The following CCR3 variants were observed in gnomAD, a reference collection of about 807,000 sequenced individuals.
The protein encoded by CCR3 is C-C chemokine receptor type 3.
For missense variants in CCR3, 419 were observed against 437.5 expected, an observed-to-expected ratio of 0.96 and a Z score of 0.38; for synonymous variants, 203 against 179.2, an observed-to-expected ratio of 1.13 and a Z score of -1.06.
At chr3:46,216,415 G>A (rs1008120879) in intron 2 of CCR3, among the ~76,000 whole-genome samples, 5 of 152,114 alleles carry the variant, frequency 3.3e-5, no homozygotes, top group Non-Finnish European at 2.9e-5. Flanking sequence ...ATCTGAAAAC[G>A]TATCTGAGGG....
At chr3:46,242,963 G>GTATA (rs71095086) in intron 1 of CCR3, among the ~76,000 whole-genome samples, 5,560 of 86,158 alleles carry the variant, frequency 0.065, 224 homozygotes, top group South Asian at 0.2. Flanking sequence ...ATATATATGT[G>GTATA]TATATATATA....
chr3:46,231,778 T>G (rs1032223466), intron 2 of CCR3, among the ~76,000 whole-genome samples: 2 of 152,202 alleles, frequency 1.3e-5, no homozygotes, highest in Admixed American at 6.5e-5. Flanking sequence ...TTTTGTATAT[T>G]ATACTTCAAT....
intron 2 of CCR3, among the ~76,000 whole-genome samples, chr3:46,234,795 C>A (rs1051563604): frequency 6.6e-6 from 1 of 152,202 alleles, no homozygotes; most frequent in Non-Finnish European, 1.5e-5. Context: ...GCTTTCCTTC[C>A]ACCACCATCA....
At chr3:46,227,636 C>T (rs906804070) in intron 2 of CCR3, among the ~76,000 whole-genome samples, 4 of 152,104 alleles carry the variant, frequency 2.6e-5, no homozygotes, top group Non-Finnish European at 5.9e-5. Flanking sequence ...CGAGACTGTT[C>T]TTTTCTAATG....
At chr3:46,246,892 G>A (rs947079727) in intron 1 of CCR3, among the ~76,000 whole-genome samples, 2 of 152,074 alleles carry the variant, frequency 1.3e-5, no homozygotes, top group Admixed American at 6.6e-5. Context: ...GAGAGATTAA[G>A]CTGAAGGGAG....
chr3:46,238,703 C>G (rs13084656), upstream of CCR3, among the ~76,000 whole-genome samples: 65,031 of 151,878 alleles, frequency 0.43, 14,007 homozygotes, highest in Middle Eastern at 0.45. Context: ...CAAGTCACAG[C>G]GTAGTCAAGG....
At chr3:46,251,022 G>T (rs942387783) in intron 1 of CCR3, among the ~76,000 whole-genome samples, 20 of 151,942 alleles carry the variant, frequency 1.3e-4, no homozygotes, top group Admixed American at 9.2e-4. Flanking sequence ...AGAAAAGTGG[G>T]ACTTGCCACT....
Position 46,265,567 on chromosome 3 carries a change from C to T in CCR3, c.409C>T (p.His137Tyr). The change falls in exon 2 of 2, where the codon CAT becomes TAT. Residue 137 changes from histidine to tyrosine, a missense_variant. Transcript: ENST00000395940. ...AATCGACAGGTACCTGGCCATTGTCCATGCTGTGTTTGCCCTTCGAGCCCG... is the reference window on the plus strand; with the variant it reads ...AATCGACAGGTACCTGGCCATTGTCTATGCTGTGTTTGCCCTTCGAGCCCG... Reference protein sequence around the residue: ...LTIDRYLAIVHAVFALRARTV... With the variant: ...LTIDRYLAIVYAVFALRARTV... 6.2e-7 allele frequency: 1 copy of T among 1,614,110 alleles called. No homozygotes were observed. The highest frequency in any genetic ancestry group is 8.5e-7 in the Non-Finnish European group (1 of 1,180,008).
chr3:46,219,500 A>G (rs1250349248), intron 2 of CCR3, among the ~76,000 whole-genome samples: 1 of 152,182 alleles, frequency 6.6e-6, no homozygotes, highest in Non-Finnish European at 1.5e-5. Flanking sequence ...ATTCATATGG[A>G]ACCAAAAAAG....
rs1700633683 is a variant in CCR3 at position 46,266,288 on chromosome 3, C to T, written c.*62C>T. ...AGGAGATGAAGCAAACACATTAAGC[C>T]TTCCACACTCACCTCTAAAACAGTC... On this transcript the variant is annotated 3_prime_UTR_variant, in exon 2 of 2. Coordinates refer to ENST00000395940, the MANE Select transcript of CCR3 (RefSeq NM_178329.3). 24 of 1,017,448 alleles carry T rather than the reference C, an allele frequency of 2.4e-5. No homozygotes were observed. The South Asian group carries it at 2.9e-4, about 12-fold the overall frequency. The allele number at this position is 1,017,448 out of a possible 1,614,324, so 63.0% of individuals were successfully genotyped here.
At chr3:46,221,050 C>G (rs1021350370) in intron 2 of CCR3, among the ~76,000 whole-genome samples, 4 of 152,170 alleles carry the variant, frequency 2.6e-5, no homozygotes, top group African/African-American at 7.2e-5. Context: ...ATAATGTAAA[C>G]TCAACAAACT....
At chr3:46,240,595 A>G (rs977961323), upstream of CCR3, among the ~76,000 whole-genome samples, 59 of 152,206 alleles carry the variant, frequency 3.9e-4, no homozygotes, top group African/African-American at 1.4e-3. Context: ...ATGCTGAATC[A>G]GAGCACAATA....
At chr3:46,232,607 G>A (rs1193287308) in intron 2 of CCR3, among the ~76,000 whole-genome samples, 4 of 152,182 alleles carry the variant, frequency 2.6e-5, no homozygotes, top group African/African-American at 4.8e-5. Context: ...GCTTTCTGGA[G>A]TGGGAGGGGC....
chr3:46,242,112 G>A (rs1426247970), upstream of CCR3, among the ~76,000 whole-genome samples: 1 of 149,018 alleles, frequency 6.7e-6, no homozygotes, highest in Non-Finnish European at 1.5e-5. Flanking sequence ...CAGCCTGGGT[G>A]ACAGAATGAA....
intron 2 of CCR3, among the ~76,000 whole-genome samples, chr3:46,233,023 G>T (rs1406773451): frequency 6.6e-6 from 1 of 152,160 alleles, no homozygotes; most frequent in East Asian, 1.9e-4. Context: ...CGTAGAGACG[G>T]GGTTTCACCA....
In CCR3 at chr3:46,261,267, A is replaced by T. The variant is rs966117960; in HGVS notation, c.-11-3881A>T. On this transcript the variant is annotated intron_variant, in intron 1 of 1. Transcript: ENST00000395940. ...TGGCTCTAATAGGTAAGACATTTGG[A>T]AATGTATAATGAAAGGGAGTTGCAT... 1.6e-4 allele frequency among the ~76,000 whole-genome samples: 24 copies of T among 152,350 alleles called. 1 individual carries two copies. In the Middle Eastern group the frequency reaches 0.01, roughly 65 times the overall value.
At chr3:46,230,840 C>T (rs926496260) in intron 2 of CCR3, among the ~76,000 whole-genome samples, 6 of 152,160 alleles carry the variant, frequency 3.9e-5, no homozygotes, top group Non-Finnish European at 8.8e-5. Flanking sequence ...CTGATCTTTT[C>T]CAGGGCAGGG....
At chr3:46,254,683 A>G (rs866772482) in intron 1 of CCR3, among the ~76,000 whole-genome samples, 1 of 152,116 alleles carries the variant, frequency 6.6e-6, no homozygotes, top group African/African-American at 2.4e-5. Context: ...TATCTTTCTT[A>G]TGCCTTTGCA....
chr3:46,257,453 GA>G (rs1700451109), intron 1 of CCR3, among the ~76,000 whole-genome samples: 6 of 140,210 alleles, frequency 4.3e-5, no homozygotes, highest in East Asian at 2.1e-4. Flanking sequence ...TTTTTTCTGG[GA>G]AAAAAGTTCA....
Sources: allele counts gnomAD v4.1 joint callset (sites outside exome capture counted in the v4.1 genomes callset), GRCh38; gene constraint gnomAD v4.1.1; transcripts MANE v1.5; gene names NCBI Gene and HGNC (gene_info 2026-07-23, HGNC 2026-07-21).